The following PLA2G7 variants were observed in gnomAD, a reference collection of about 807,000 sequenced individuals.
PLA2G7 encodes the protein phospholipase A2 group VII.
PLA2G7 carries 63 observed loss-of-function variants against 49.6 expected under a neutral mutation model. The observed-to-expected ratio is 1.27, with a 90% confidence interval of 1.04 to 1.57. PLA2G7 has a LOEUF of 1.57. Among genes scored for constraint, PLA2G7 ranks in the 40% most tolerant of loss-of-function variants. The pLI, the probability that PLA2G7 is intolerant of heterozygous loss-of-function variation, is 0.00. For synonymous variants in PLA2G7, 193 were observed against 169.9 expected, an observed-to-expected ratio of 1.14 and a Z score of -1.06; for missense variants, 596 against 521.2, an observed-to-expected ratio of 1.14 and a Z score of -1.40.
chr6:46,735,494 C>G (rs1765902123), upstream of PLA2G7: 1 of 152,374 alleles, frequency 6.6e-6, no homozygotes, highest in Non-Finnish European at 1.5e-5. Context: ...GCGGCGGCTC[C>G]CGACGCTAGC....
chr6:46,708,448 A>G (rs549597179), intron 9 of PLA2G7, among the ~76,000 whole-genome samples: 17 of 152,352 alleles, frequency 1.1e-4, no homozygotes, highest in African/African-American at 4.1e-4. Flanking sequence ...TAAATTTTAG[A>G]ATACATAATA....
intron 10 of PLA2G7, 60 bp downstream of exon 10, chr6:46,707,931 T>C: frequency 9.5e-7 from 1 of 1,051,376 alleles, no homozygotes; most frequent in Non-Finnish European, 1.5e-6. Context: ...ATGATATCGA[T>C]TGATATTTAC....
intron 2 of PLA2G7, 86 bp downstream of exon 2, chr6:46,722,697 A>T (rs1475354721): frequency 1.3e-6 from 1 of 777,898 alleles, no homozygotes; most frequent in African/African-American, 1.7e-5. Flanking sequence ...ACTTGTTTAG[A>T]TGTGCAGATG....
chr6:46,709,566 TA>T (rs2150693942), intron 8 of PLA2G7, 148 bp from the exon 9 acceptor site: 1 of 637,576 alleles, frequency 1.6e-6, no homozygotes, highest in South Asian at 1.8e-5. Flanking sequence ...CACATACATT[TA>T]TACATACCAT....
chr6:46,713,357 A>C (rs556985348), intron 5 of PLA2G7, among the ~76,000 whole-genome samples: 21 of 152,306 alleles, frequency 1.4e-4, no homozygotes, highest in African/African-American at 5.1e-4. Context: ...GAGAGTAAAT[A>C]TTTCCAGGTT....
chr6:46,709,342 T>G lies in PLA2G7; in HGVS notation c.854A>C (p.Glu285Ala), dbSNP rs202124673. 1.7e-5 allele frequency: 27 copies of G among 1,592,280 alleles called. No individual in the cohort carries two copies. Among genetic ancestry groups the G allele is most frequent in the Non-Finnish European group, 2.3e-5 (27 of 1,160,518 alleles). ...GGATVIQTLSEDQRFRCGIAL... is the reference protein window; with the variant it reads ...GGATVIQTLSADQRFRCGIAL... ...ATTTTCTTACCTGAATCTCTGATCT[T>G]CACTAAGAGTCTGAATAACCGTTGC... is the stretch of plus-strand genomic sequence containing the variant. Residue 285 changes from glutamate (E) to alanine (A), a missense_variant, in exon 9 of 12, where the codon GAA (glutamate) becomes GCA (alanine). Transcript: ENST00000274793.
chr6:46,709,051 T>C (rs1306146240), intron 9 of PLA2G7, among the ~76,000 whole-genome samples: 1 of 152,046 alleles, frequency 6.6e-6, no homozygotes, highest in African/African-American at 2.4e-5. Context: ...AAAAATTATA[T>C]AAAGATAAAT....
At position 46,705,657 on chromosome 6, in the gene PLA2G7, C is replaced by G. The variant is rs9381473; in HGVS notation, c.1041-356G>C. On this transcript the variant is annotated intron_variant, in intron 10 of 11. Transcript: ENST00000274793. ...TCCCTGAACTCAGAGCCAGAGCCTG[C>G]TACCTGCCCTCACCACTGAACGTGG... Among the ~76,000 whole-genome samples the G allele has an allele frequency of 9.8e-5, 15 of 152,356 alleles. No homozygotes were observed. In the East Asian group the frequency reaches 2.7e-3, roughly 27 times the overall value.
intron 1 of PLA2G7, among the ~76,000 whole-genome samples, chr6:46,728,217 T>C (rs1364554235): frequency 6.6e-6 from 1 of 152,184 alleles, no homozygotes; most frequent in Non-Finnish European, 1.5e-5. Context: ...AGCTAGAACA[T>C]CACTCTACAG....
chr6:46,706,641 CAA>C (rs1764841343), intron 10 of PLA2G7, among the ~76,000 whole-genome samples: 1 of 152,120 alleles, frequency 6.6e-6, no homozygotes, highest in African/African-American at 2.4e-5. Flanking sequence ...CCACAAGAGT[CAA>C]AGAGTGAATA....
intron 7 of PLA2G7, 59 bp downstream of exon 7, chr6:46,711,437 G>A (rs1481177961): frequency 1.9e-6 from 3 of 1,591,366 alleles, no homozygotes; most frequent in East Asian, 2.2e-5. Context: ...ATTAACAAAT[G>A]TCATCCTTTT....
intron 6 of PLA2G7, 69 bp downstream of exon 6, chr6:46,712,200 G>A (rs1765052263): frequency 2.0e-6 from 2 of 987,630 alleles, no homozygotes; most frequent in Non-Finnish European, 3.3e-6. Context: ...ATGAAAATTA[G>A]AAACATAGTT....
intron 2 of PLA2G7, among the ~76,000 whole-genome samples, chr6:46,721,424 C>T (rs1765396114): frequency 6.6e-6 from 1 of 152,012 alleles, no homozygotes; most frequent in Non-Finnish European, 1.5e-5. Flanking sequence ...AGCAACGTCC[C>T]TGTCCTCAAG....
At position 46,716,502 on chromosome 6, in the gene PLA2G7, T is replaced by C. The variant is rs201253286; in HGVS notation, c.258A>G (p.Pro86=). ...NKGTFLRLYY[P]SQDNDRLDTL... ...TGTCAAGGCGATCATTATCTTGGGA[T>C]GGATAATATAAACGCAAGAAGGTGC... The change falls in exon 4 of 12, where the codon CCA becomes CCG. Residue 86 remains proline, a synonymous_variant. Coordinates refer to ENST00000274793, the MANE Select transcript of PLA2G7 (RefSeq NM_005084.4). 3.7e-5 allele frequency: 59 copies of C among 1,613,654 alleles called. No homozygotes were observed. The highest frequency in any genetic ancestry group is 4.2e-5 in the Non-Finnish European group (50 of 1,179,704).
intron 9 of PLA2G7, 94 bp from the exon 10 acceptor site, chr6:46,708,255 A>C (rs1764898604): frequency 1.1e-6 from 1 of 919,116 alleles, no homozygotes; most frequent in Non-Finnish European, 1.8e-6. Flanking sequence ...GTGGACACGC[A>C]CCATACCAGT....
intron 5 of PLA2G7, among the ~76,000 whole-genome samples, chr6:46,713,032 G>A (rs1164983264): frequency 6.6e-6 from 1 of 152,110 alleles, no homozygotes; most frequent in Non-Finnish European, 1.5e-5. Flanking sequence ...CATCAGTGAG[G>A]ATCAATTGAA....
Position 46,722,845 on chromosome 6 carries a change from A to C in PLA2G7, c.47T>G (p.Leu16Arg). 1 of 1,614,002 alleles carries C rather than the reference A, an allele frequency of 6.2e-7. No individual in the cohort carries two copies. Among genetic ancestry groups the C allele is most frequent in the South Asian group, 1.1e-5 (1 of 91,064 alleles). The stretch of plus-strand genomic sequence containing the variant: ...CCAGTCAAAAGGATAAACCACAGCC[A>C]GGCAGCCGCAGAGGCAGAAAAGCAC... ...LHVLFCLCGC[L>R]AVVYPFDWQY... is the part of the protein sequence containing the mutation. Residue 16 changes from leucine (L) to arginine (R), a missense_variant, in exon 2 of 12, where the codon CTG (leucine) becomes CGG (arginine). By Grantham distance (102) the Leu-to-Arg change is moderately radical (BLOSUM62 -2). Transcript: ENST00000274793.
At chr6:46,720,833 T>C (rs538734060) in intron 2 of PLA2G7, among the ~76,000 whole-genome samples, 76 of 152,368 alleles carry the variant, frequency 5.0e-4, no homozygotes, top group African/African-American at 1.8e-3. Flanking sequence ...GGAGATGAAC[T>C]GTATACATGC....
rs752188585 is a variant in PLA2G7, at chr6:46,722,772, A to G, written c.109+11T>C. 2 of 1,524,280 alleles carry G rather than the reference A, an allele frequency of 1.3e-6. No individual in the cohort carries two copies. Among genetic ancestry groups the G allele is most frequent in the Non-Finnish European group, 9.1e-7 (1 of 1,097,956 alleles). 94.4% of individuals were successfully genotyped at this position (1,524,280 alleles called of 1,614,324 possible). ...CAGTTGCTCAAGACCTTGAACAAATACACCTCTTACCTGATGATTTCATAT... is the reference window on the plus strand; with the variant it reads ...CAGTTGCTCAAGACCTTGAACAAATGCACCTCTTACCTGATGATTTCATAT... On this transcript the variant is annotated intron_variant, in intron 2 of 11. Transcript: ENST00000274793.
Sources: gnomAD v4.1 joint callset for allele counts (sites outside exome capture counted in the v4.1 genomes callset) on GRCh38, gnomAD v4.1.1 for gene constraint, MANE v1.5 for transcripts, NCBI Gene and HGNC (gene_info 2026-07-23, HGNC 2026-07-21) for gene names.